YIPF1: variants seen among roughly 807,000 people sequenced by gnomAD.
The protein encoded by YIPF1 is protein YIPF1.
A neutral mutation model predicts 37.0 loss-of-function variants in YIPF1; 22 were observed. The ratio of observed to expected loss-of-function variants is 0.59; its 90% CI spans 0.42 to 0.85. YIPF1 has a LOEUF of 0.85. Ranked by LOEUF, YIPF1 falls within the 40% of genes least tolerant of loss-of-function variation. The pLI, the probability that YIPF1 is intolerant of heterozygous loss-of-function variation, is 0.00. For synonymous variants in YIPF1, 128 were observed against 131.9 expected, an observed-to-expected ratio of 0.97 and a Z score of 0.21; for missense variants, 355 against 373.1, an observed-to-expected ratio of 0.95 and a Z score of 0.40.
rs145494320 is a variant in YIPF1, at chr1:53,877,680, T to C, written c.364+635A>G. On this transcript the variant is annotated intron_variant, in intron 6 of 10. Transcript: ENST00000072644. ...GAGCCAGCTCATCTGAGGGCAGAGC[T>C]GGAACTCAGCATATCAATGAAAAAG... Among the ~76,000 whole-genome samples the C allele has an allele frequency of 6.0e-3, 913 of 152,354 alleles. 15 individuals are homozygous for C. Among genetic ancestry groups the C allele is most frequent in the African/African-American group, 0.021 (863 of 41,574 alleles).
In YIPF1 at chr1:53,888,984, G is replaced by A. The variant is rs998307739; in HGVS notation, c.-47C>T. ...AATTATGAGGAAGAAAATTTGCAGG[G>A]TTCTAAAAGAAAAAAATAGGTAAAC... On this transcript the variant is annotated splice_region_variant and 5_prime_UTR_variant, in exon 3 of 11. Transcript: ENST00000072644. The A allele has an allele frequency of 3.2e-6, 5 of 1,569,624 alleles. No individual in the cohort carries two copies. The highest frequency in any genetic ancestry group is 3.5e-6 in the Non-Finnish European group (4 of 1,142,832).
At chr1:53,881,507 T>C (rs1340641336) in intron 4 of YIPF1, among the ~76,000 whole-genome samples, 1 of 152,124 alleles carries the variant, frequency 6.6e-6, no homozygotes, top group Non-Finnish European at 1.5e-5. Flanking sequence ...TACAAAGTAC[T>C]TAAGCAAATT....
At chr1:53,857,937 C>T (rs916786958) in intron 10 of YIPF1, among the ~76,000 whole-genome samples, 5 of 148,040 alleles carry the variant, frequency 3.4e-5, no homozygotes, top group South Asian at 2.1e-4. Context: ...GCCAAGATTG[C>T]GCCACTGCAC....
rs573817509 is a variant in YIPF1 at position 53,879,879 on chromosome 1, T to A, written c.196-1157A>T. On this transcript the variant is annotated intron_variant, in intron 4 of 10. Coordinates refer to ENST00000072644, the MANE Select transcript of YIPF1 (RefSeq NM_018982.5). The stretch of plus-strand genomic sequence containing the variant: ...GGCAAGTAGCTCGACCCACGGAGAA[T>A]GAAGAAAAGCAGGGTGGGGCGATGG... 1.3e-4 allele frequency among the ~76,000 whole-genome samples: 19 copies of A among 151,808 alleles called. No homozygotes were observed. In the South Asian group the frequency reaches 3.6e-3, roughly 29 times the overall value.
At chr1:53,852,659 G>A (rs185667276) in intron 10 of YIPF1, among the ~76,000 whole-genome samples, 130 of 152,258 alleles carry the variant, frequency 8.5e-4, no homozygotes, top group African/African-American at 3.0e-3. Context: ...CTGGAAAACC[G>A]TGGTAATTGA....
At chr1:53,857,639 T>G (rs1329889080) in intron 10 of YIPF1, among the ~76,000 whole-genome samples, 1 of 152,110 alleles carries the variant, frequency 6.6e-6, no homozygotes, top group African/African-American at 2.4e-5. Flanking sequence ...ATACATACAA[T>G]GTGGTCAAGA....
rs76741993 is a variant in YIPF1, at chr1:53,856,387, C to T, written c.*8+3669G>A. On this transcript the variant is annotated intron_variant, in intron 10 of 10. Coordinates refer to ENST00000072644, the MANE Select transcript of YIPF1 (RefSeq NM_018982.5). ...AGGTTGAGAGAGACCCTCAACATGG[C>T]GATGTCAGGTACTTTGGGCCAAAAG... is the stretch of plus-strand genomic sequence containing the variant. Among the ~76,000 whole-genome samples, 1,323 of 152,252 alleles carry T rather than the reference C, an allele frequency of 8.7e-3. 12 individuals are homozygous for T. Among genetic ancestry groups the T allele is most frequent in the African/African-American group, 0.031 (1,279 of 41,526 alleles).
At chr1:53,870,160 C>CTCTTT (rs1557605849) in intron 7 of YIPF1, among the ~76,000 whole-genome samples, 8 of 91,212 alleles carry the variant, frequency 8.8e-5, no homozygotes, top group African/African-American at 2.7e-4. Flanking sequence ...CACCGGGTCT[C>CTCTTT]TTTTTTTTTT....
intron 3 of YIPF1, among the ~76,000 whole-genome samples, chr1:53,884,174 G>A (rs2100743254): frequency 6.8e-6 from 1 of 146,398 alleles, no homozygotes; most frequent in South Asian, 2.2e-4. Context: ...GGTAGAGGCT[G>A]CAGTGAGCCG....
chr1:53,871,256 T>G, intron 7 of YIPF1, 116 bp downstream of exon 7: 1 of 829,096 alleles, frequency 1.2e-6, no homozygotes, highest in Non-Finnish European at 2.0e-6. Context: ...CATTGAACCC[T>G]AAAACACAAA....
At position 53,860,130 on chromosome 1, in the gene YIPF1, C is replaced by T; in HGVS notation, c.855G>A (p.Glu285=). Residue 285 remains glutamate, a synonymous_variant, in exon 10 of 11, where the codon GAG becomes GAA. Coordinates refer to ENST00000072644, the MANE Select transcript of YIPF1 (RefSeq NM_018982.5). ...CTGTAGTTGTTGGGAGATGGTCCATCTCTGGTGCATCAAAAAAGTATGCCT... is the reference window on the plus strand; with the variant it reads ...CTGTAGTTGTTGGGAGATGGTCCATTTCTGGTGCATCAAAAAAGTATGCCT... ...GCLAYFFDAP[E]MDHLPTTTAT... is the part of the protein sequence containing the mutation. The T allele has an allele frequency of 6.2e-7, 1 of 1,614,058 alleles. No homozygotes were observed. The highest frequency in any genetic ancestry group is 8.5e-7 in the Non-Finnish European group (1 of 1,179,984).
At chr1:53,888,818 A>G in intron 3 of YIPF1, 89 bp downstream of exon 3, 1 of 1,248,198 alleles carries the variant, frequency 8.0e-7, no homozygotes, top group Non-Finnish European at 1.1e-6. Context: ...ATATCCTTCA[A>G]TGTGTGAGGC....
In YIPF1 at chr1:53,885,860, G is replaced by C. The variant is rs1010496310; in HGVS notation, c.32-2584C>G. The stretch of plus-strand genomic sequence containing the variant: ...AAAAGAGAGAAAAAGAGTATAATTG[G>C]ATTGTTTGTAATACAAAGGATAAAT... On this transcript the variant is annotated intron_variant, in intron 3 of 10. Transcript: ENST00000072644. 4.6e-5 allele frequency among the ~76,000 whole-genome samples: 7 copies of C among 150,656 alleles called. 1 individual carries two copies. The highest frequency in any genetic ancestry group is 1.7e-4 in the African/African-American group (7 of 40,714).
chr1:53,869,984 T>C (rs1013434275), intron 7 of YIPF1, among the ~76,000 whole-genome samples: 6 of 149,838 alleles, frequency 4.0e-5, no homozygotes, highest in African/African-American at 1.5e-4. Context: ...CCAATTCTCC[T>C]GCCTCAGCCT....
At chr1:53,870,158 C>CTTT (rs1415039646) in intron 7 of YIPF1, among the ~76,000 whole-genome samples, 3 of 67,446 alleles carry the variant, frequency 4.4e-5, no homozygotes, top group African/African-American at 7.7e-5. Context: ...CGCACCGGGT[C>CTTT]TCTTTTTTTT....
chr1:53,863,467 C>T (rs1649939089), intron 9 of YIPF1, among the ~76,000 whole-genome samples: 1 of 152,200 alleles, frequency 6.6e-6, no homozygotes, highest in Non-Finnish European at 1.5e-5. Context: ...CTTTCACAGC[C>T]AGCTCATGGC....
At chr1:53,861,572 G>C (rs556760406) in intron 9 of YIPF1, among the ~76,000 whole-genome samples, 1 of 151,720 alleles carries the variant, frequency 6.6e-6, no homozygotes, top group South Asian at 2.1e-4. Flanking sequence ...ACTCAAGAGA[G>C]AGAGAGAGAT....
chr1:53,860,140 T>C lies in YIPF1; in HGVS notation c.845A>G (p.Asp282Gly), dbSNP rs1649827393. 2 of 1,613,978 alleles carry C rather than the reference T, an allele frequency of 1.2e-6. No individual in the cohort carries two copies. The highest frequency in any genetic ancestry group is 1.7e-6 in the Non-Finnish European group (2 of 1,179,952). ...LSVGCLAYFF[D>G]APEMDHLPTT... The stretch of plus-strand genomic sequence containing the variant: ...TGGGAGATGGTCCATCTCTGGTGCA[T>C]CAAAAAAGTATGCCTGTGGGGAAAA... The change falls in exon 10 of 11, where the codon GAT (aspartate) becomes GGT (glycine). Residue 282 changes from aspartate (D) to glycine (G), a missense_variant. Coordinates refer to ENST00000072644, the MANE Select transcript of YIPF1 (RefSeq NM_018982.5).
At chr1:53,862,590 G>C (rs1649912490) in intron 9 of YIPF1, among the ~76,000 whole-genome samples, 1 of 152,182 alleles carries the variant, frequency 6.6e-6, no homozygotes, top group African/African-American at 2.4e-5. Context: ...TCCCTGGCAA[G>C]TGTGGGGCTG....
Sources: allele counts gnomAD v4.1 joint callset (sites outside exome capture counted in the v4.1 genomes callset), GRCh38; gene constraint gnomAD v4.1.1; transcripts MANE v1.5; gene names NCBI Gene and HGNC (gene_info 2026-07-23, HGNC 2026-07-21).